Variants in LRMDA observed in about 807,000 individuals in gnomAD.
LRMDA encodes the protein leucine-rich melanocyte differentiation-associated protein.
In LRMDA, 18 loss-of-function variants were observed where a neutral mutation model predicts 29.8. That is an observed-to-expected ratio of 0.60 (90% confidence interval 0.42 to 0.90). LRMDA has a LOEUF of 0.90. LRMDA is among the 40% of genes least tolerant of loss of function. The pLI, the probability that LRMDA is intolerant of heterozygous loss-of-function variation, is 0.00. For synonymous variants in LRMDA, 125 were observed against 109.4 expected (o/e 1.14, Z -0.89); for missense variants, 273 against 273.9 (o/e 1.00, Z 0.02).
At position 75,560,218 on chromosome 10, in the gene LRMDA, G is replaced by T. The variant is rs1474731299; in HGVS notation, c.131+121724G>T. 7.2e-5 allele frequency among the ~76,000 whole-genome samples: 11 copies of T among 152,176 alleles called. No individual in the cohort carries two copies. In the South Asian group the frequency reaches 2.1e-3, roughly 29 times the overall value. On this transcript the variant is annotated intron_variant, in intron 2 of 6. Transcript: ENST00000611255. ...TCCTCTCTTATTTCATTGAGCAGTG[G>T]TTTGTAGTTCTCCTTGAAGAGGTCT...
chr10:76,003,645 G>A (rs562188561), intron 2 of LRMDA, among the ~76,000 whole-genome samples: 1 of 152,298 alleles, frequency 6.6e-6, no homozygotes, highest in Admixed American at 6.5e-5. Flanking sequence ...GTCAGGAGAG[G>A]CAGCATTAGG....
chr10:76,408,669 A>C (rs543011323), intron 6 of LRMDA, among the ~76,000 whole-genome samples: 2 of 152,154 alleles, frequency 1.3e-5, no homozygotes, highest in African/African-American at 4.8e-5. Flanking sequence ...ATTTCCTCTG[A>C]AGTTTGCCTT....
intron 2 of LRMDA, among the ~76,000 whole-genome samples, chr10:75,517,779 A>G (rs377201794): frequency 1.3e-5 from 2 of 152,290 alleles, no homozygotes; most frequent in South Asian, 2.1e-4. Flanking sequence ...GTCTTGTGCC[A>G]GTTTTCAAAG....
At chr10:76,050,638 T>G (rs1052010621) in intron 4 of LRMDA, among the ~76,000 whole-genome samples, 1 of 152,214 alleles carries the variant, frequency 6.6e-6, no homozygotes, top group African/African-American at 2.4e-5. Context: ...CTCCAGGATT[T>G]GGGCAGGAAG....
At chr10:75,605,857 C>T (rs60361065) in intron 2 of LRMDA, among the ~76,000 whole-genome samples, 10,881 of 152,028 alleles carry the variant, frequency 0.072, 1,189 homozygotes, top group African/African-American at 0.24. Context: ...CCCAAATAAG[C>T]CTTTCTTTCT....
intron 2 of LRMDA, among the ~76,000 whole-genome samples, chr10:75,560,600 T>C (rs1840279793): frequency 2.6e-5 from 4 of 151,622 alleles, no homozygotes; most frequent in South Asian, 2.1e-4. Flanking sequence ...GAGGGCATCC[T>C]TGTCTTGTGC....
chr10:75,924,855 T>C (rs1846092301), intron 2 of LRMDA, among the ~76,000 whole-genome samples: 1 of 152,162 alleles, frequency 6.6e-6, no homozygotes, highest in Admixed American at 6.5e-5. Flanking sequence ...TTTTCCCCCT[T>C]TTCTCAAGGG....
intron 2 of LRMDA, among the ~76,000 whole-genome samples, chr10:75,590,857 C>T (rs765345647): frequency 5.1e-4 from 75 of 146,938 alleles, no homozygotes; most frequent in Non-Finnish European, 8.8e-4. Context: ...AAGTGGTTCT[C>T]CTGCCTCAGC....
intron 2 of LRMDA, among the ~76,000 whole-genome samples, chr10:75,923,090 C>G (rs899764923): frequency 1.6e-4 from 24 of 152,216 alleles, no homozygotes; most frequent in African/African-American, 5.8e-4. Flanking sequence ...CTGAAACACA[C>G]TCTGCCCTTT....
chr10:76,334,734 C>T (rs781193984), intron 6 of LRMDA, among the ~76,000 whole-genome samples: 37 of 152,142 alleles, frequency 2.4e-4, no homozygotes, highest in Non-Finnish European at 5.1e-4. Flanking sequence ...TTTCATTTCC[C>T]TTGCTCAGAA....
At chr10:75,619,093 G>A (rs1225001629) in intron 2 of LRMDA, among the ~76,000 whole-genome samples, 4 of 152,010 alleles carry the variant, frequency 2.6e-5, no homozygotes, top group East Asian at 1.9e-4. Flanking sequence ...CACTGCACCC[G>A]GCCGAAAATA....
intron 5 of LRMDA, among the ~76,000 whole-genome samples, chr10:76,257,158 A>C (rs1852610686): frequency 6.6e-6 from 1 of 152,194 alleles, no homozygotes; most frequent in African/African-American, 2.4e-5. Flanking sequence ...TTACATTAAA[A>C]ATTTAATTTT....
At chr10:75,960,190 A>G (rs933272195) in intron 2 of LRMDA, among the ~76,000 whole-genome samples, 1 of 152,208 alleles carries the variant, frequency 6.6e-6, no homozygotes, top group Non-Finnish European at 1.5e-5. Context: ...TATTGGGAGG[A>G]AATCAGAGCT....
intron 6 of LRMDA, among the ~76,000 whole-genome samples, chr10:76,521,929 C>T (rs1244575294): frequency 6.6e-6 from 1 of 152,074 alleles, no homozygotes; most frequent in Non-Finnish European, 1.5e-5. Flanking sequence ...AAAAGTGTGG[C>T]AGACACAGTT....
At chr10:75,866,627 G>A (rs1002941929) in intron 2 of LRMDA, among the ~76,000 whole-genome samples, 10 of 152,172 alleles carry the variant, frequency 6.6e-5, no homozygotes, top group Admixed American at 6.5e-4. Flanking sequence ...AATTAACCTG[G>A]CCAACCTGAT....
At chr10:75,927,138 G>T (rs898824058) in intron 2 of LRMDA, among the ~76,000 whole-genome samples, 1 of 152,184 alleles carries the variant, frequency 6.6e-6, no homozygotes, top group East Asian at 1.9e-4. Flanking sequence ...CAGCTCAGGG[G>T]TCTCCAGCGA....
chr10:76,048,915 G>A (rs2132043282), intron 4 of LRMDA, among the ~76,000 whole-genome samples: 1 of 152,126 alleles, frequency 6.6e-6, no homozygotes, highest in South Asian at 2.1e-4. Flanking sequence ...TGAAAAAAGG[G>A]CTTGGCACCT....
At chr10:76,365,948 C>T (rs1263552972) in intron 6 of LRMDA, among the ~76,000 whole-genome samples, 1 of 151,440 alleles carries the variant, frequency 6.6e-6, no homozygotes, top group Non-Finnish European at 1.5e-5. Flanking sequence ...GGATACAGTT[C>T]TCCTACATGT....
chr10:76,211,279 T>C (rs918060976), intron 5 of LRMDA, among the ~76,000 whole-genome samples: 1 of 152,238 alleles, frequency 6.6e-6, no homozygotes, highest in African/African-American at 2.4e-5. Flanking sequence ...CTCTCTCCTC[T>C]TTCCAGATTC....
Sources: gnomAD v4.1 joint callset for allele counts (sites outside exome capture counted in the v4.1 genomes callset) on GRCh38, gnomAD v4.1.1 for gene constraint, MANE v1.5 for transcripts, NCBI Gene and HGNC (gene_info 2026-07-23, HGNC 2026-07-21) for gene names.